The following PTPRD variants were observed in gnomAD, a reference collection of about 807,000 sequenced individuals.
PTPRD encodes receptor-type tyrosine-protein phosphatase delta.
PTPRD carries 34 observed loss-of-function variants against 214.5 expected under a neutral mutation model. That is an observed-to-expected ratio of 0.16 (90% CI 0.12 to 0.21). PTPRD has a LOEUF of 0.21. Ranked by LOEUF, PTPRD falls within the 10% of genes least tolerant of loss-of-function variation. PTPRD has a pLI of 1.00. For synonymous variants in PTPRD, 1,128 were observed against 845.7 expected (o/e 1.33, Z -5.79); for missense variants, 2,545 against 2,398.7 (o/e 1.06, Z -1.27).
intron 2 of PTPRD, among the ~76,000 whole-genome samples, chr9:10,577,300 T>C (rs1280818890): frequency 6.6e-6 from 1 of 152,226 alleles, no homozygotes; most frequent in Non-Finnish European, 1.5e-5. Context: ...AGAAGACATT[T>C]ATAATTACCA....
chr9:9,672,302 A>C (rs1265603966), intron 7 of PTPRD, among the ~76,000 whole-genome samples: 3 of 152,180 alleles, frequency 2.0e-5, no homozygotes, highest in African/African-American at 7.2e-5. Context: ...TGTATGGTTT[A>C]TGATGGGCAA....
rs576981458 is a variant in PTPRD at position 8,591,311 on chromosome 9, T to C, written c.352+42006A>G. Among the ~76,000 whole-genome samples, 14 of 152,262 alleles carry C rather than the reference T, an allele frequency of 9.2e-5. No homozygotes were observed. The East Asian group carries it at 2.3e-3, about 25-fold the overall frequency. ...ATTTGGAGTGGGATGGTCAGGGCCA[T>C]TATTTGGTCTACCCACAACCAAGAA... On this transcript the variant is annotated intron_variant, in intron 14 of 45. Coordinates refer to ENST00000381196, the MANE Select transcript of PTPRD (RefSeq NM_002839.4).
chr9:9,280,015 C>T (rs2133483391), intron 9 of PTPRD, among the ~76,000 whole-genome samples: 1 of 151,308 alleles, frequency 6.6e-6, no homozygotes, highest in African/African-American at 2.4e-5. Context: ...TGGGTTGTTT[C>T]CAATGTACCG....
At chr9:10,077,798 C>T (rs1283592979) in intron 3 of PTPRD, among the ~76,000 whole-genome samples, 1 of 151,548 alleles carries the variant, frequency 6.6e-6, no homozygotes, top group Non-Finnish European at 1.5e-5. Flanking sequence ...GCCTTCAGCT[C>T]CAACCATGTT....
chr9:9,905,989 C>G (rs1382192508), intron 5 of PTPRD, among the ~76,000 whole-genome samples: 1 of 151,862 alleles, frequency 6.6e-6, no homozygotes, highest in Admixed American at 6.6e-5. Flanking sequence ...AAGCCAGATG[C>G]TCTAGGCAAT....
intron 5 of PTPRD, among the ~76,000 whole-genome samples, chr9:9,881,224 G>A (rs2068578840): frequency 1.3e-5 from 2 of 152,010 alleles, no homozygotes. Flanking sequence ...AGAAAAATAA[G>A]AGTAAACAGC....
intron 4 of PTPRD, among the ~76,000 whole-genome samples, chr9:9,942,894 TG>T (rs1270282984): frequency 5.0e-5 from 6 of 119,018 alleles, no homozygotes; most frequent in Admixed American, 3.2e-4. Context: ...TGCTCTGAGT[TG>T]TTTTTTTTTT....
chr9:8,553,325 T>G (rs1414782206), intron 14 of PTPRD, among the ~76,000 whole-genome samples: 1 of 152,154 alleles, frequency 6.6e-6, no homozygotes, highest in African/African-American at 2.4e-5. Flanking sequence ...ATAGTCAATG[T>G]GGAGTTGCTC....
At chr9:8,440,591 G>C (rs965066045) in intron 34 of PTPRD, among the ~76,000 whole-genome samples, 1 of 152,222 alleles carries the variant, frequency 6.6e-6, no homozygotes, top group African/African-American at 2.4e-5. Flanking sequence ...GGGATTACAG[G>C]CGTGGGCCGC....
Position 8,971,004 on chromosome 9 carries a change from G to C in PTPRD, c.-104+47693C>G, listed in dbSNP as rs558443692. The stretch of plus-strand genomic sequence containing the variant: ...TTTAAGTTATAAAAGTTTTTAAAAA[G>C]CCTAAAAGCATTTTCATAGAAATTC... On this transcript the variant is annotated intron_variant, in intron 11 of 45. Transcript: ENST00000381196. Among the ~76,000 whole-genome samples the C allele has an allele frequency of 2.6e-5, 4 of 151,546 alleles. No homozygotes were observed. The South Asian group carries it at 6.2e-4, about 24-fold the overall frequency.
intron 39 of PTPRD, among the ~76,000 whole-genome samples, chr9:8,372,152 A>G (rs964578246): frequency 6.6e-5 from 10 of 152,076 alleles, no homozygotes; most frequent in African/African-American, 2.4e-4. Flanking sequence ...GGATTGCCAT[A>G]GTAGAAAATA....
chr9:9,348,059 C>A (rs746047832), intron 9 of PTPRD, among the ~76,000 whole-genome samples: 1 of 152,086 alleles, frequency 6.6e-6, no homozygotes, highest in African/African-American at 2.4e-5. Context: ...AAAGCAAAAT[C>A]CAAGTGTGCA....
At chr9:9,872,325 AATGGAGACTC>A (rs1361398180) in intron 5 of PTPRD, among the ~76,000 whole-genome samples, 2 of 152,144 alleles carry the variant, frequency 1.3e-5, no homozygotes, top group African/African-American at 4.8e-5. Context: ...TCCACAATTA[AATGGAGACTC>A]ATGGCTGTAA....
intron 2 of PTPRD, among the ~76,000 whole-genome samples, chr9:10,607,792 G>T (rs903823594): frequency 2.0e-5 from 3 of 151,768 alleles, no homozygotes; most frequent in African/African-American, 7.3e-5. Flanking sequence ...AATTAACATT[G>T]CATATATTCC....
chr9:9,893,971 C>A (rs996090460), intron 5 of PTPRD, among the ~76,000 whole-genome samples: 4 of 152,014 alleles, frequency 2.6e-5, no homozygotes, highest in African/African-American at 9.7e-5. Flanking sequence ...CACCACCACA[C>A]CCTGTGTTTG....
At chr9:8,474,435 C>G (rs938675485) in intron 30 of PTPRD, among the ~76,000 whole-genome samples, 1 of 152,106 alleles carries the variant, frequency 6.6e-6, no homozygotes, top group Non-Finnish European at 1.5e-5. Flanking sequence ...TTCCAAAGCC[C>G]GTCTCCTCCA....
In PTPRD at chr9:8,499,642, C is replaced by T; in HGVS notation, c.2322+5G>A. ...AAACAGAGGTACATAATTTCAGAGG[C>T]TTACCTGTGCATCAGCCAGCATGAC... On this transcript the variant is annotated splice_donor_5th_base_variant and intron_variant, in intron 25 of 45. Coordinates refer to ENST00000381196, the MANE Select transcript of PTPRD (RefSeq NM_002839.4). The T allele has an allele frequency of 6.2e-7, 1 of 1,611,916 alleles. No homozygotes were observed. Among genetic ancestry groups the T allele is most frequent in the Non-Finnish European group, 8.5e-7 (1 of 1,179,240 alleles).
At chr9:9,448,007 G>A (rs1019379548) in intron 8 of PTPRD, among the ~76,000 whole-genome samples, 4 of 151,976 alleles carry the variant, frequency 2.6e-5, no homozygotes, top group African/African-American at 9.7e-5. Flanking sequence ...ACTATTGAAC[G>A]GTTCTGAAAA....
intron 7 of PTPRD, among the ~76,000 whole-genome samples, chr9:9,719,096 T>C (rs2154431207): frequency 6.6e-6 from 1 of 152,268 alleles, no homozygotes; most frequent in South Asian, 2.1e-4. Context: ...GGCCTGTCCA[T>C]GGCCACTCAC....
Sources: allele counts gnomAD v4.1 joint callset (sites outside exome capture counted in the v4.1 genomes callset), GRCh38; gene constraint gnomAD v4.1.1; transcripts MANE v1.5; gene names NCBI Gene and HGNC (gene_info 2026-07-23, HGNC 2026-07-21).